ZNF407: variants seen among roughly 807,000 people sequenced by gnomAD.
The protein encoded by ZNF407 is zinc finger protein 407.
ZNF407 carries 17 observed loss-of-function variants against 131.2 expected under a neutral mutation model. The ratio of observed to expected loss-of-function variants is 0.13; its 90% CI spans 0.09 to 0.19. The LOEUF (loss-of-function observed/expected upper bound fraction) is 0.19, where lower values mean the gene tolerates loss of function less well. Among genes scored for constraint, ZNF407 ranks in the 10% least tolerant of loss-of-function variants. The pLI, the probability that ZNF407 is intolerant of heterozygous loss-of-function variation, is 1.00. For synonymous variants in ZNF407, 1,156 were observed against 1,062.0 expected (o/e 1.09, Z -1.72); for missense variants, 2,681 against 2,830.6 (o/e 0.95, Z 1.20).
intron 3 of ZNF407, among the ~76,000 whole-genome samples, chr18:74,751,317 A>G (rs1431208299): frequency 1.1e-4 from 16 of 152,026 alleles, no homozygotes; most frequent in Non-Finnish European, 1.3e-4. Context: ...TTCTTTTCTA[A>G]TGTGGCTACG....
At chr18:74,759,948 G>GTC (rs10662564) in intron 3 of ZNF407, among the ~76,000 whole-genome samples, 24,008 of 142,762 alleles carry the variant, frequency 0.17, 3,563 homozygotes, top group African/African-American at 0.41. Flanking sequence ...TACTTTACAT[G>GTC]TCTCTCTCTC....
chr18:74,894,629 C>G (rs1259348177), intron 7 of ZNF407, among the ~76,000 whole-genome samples: 1 of 152,038 alleles, frequency 6.6e-6, no homozygotes. Flanking sequence ...TTATTTCTTC[C>G]ATTTCTTCTC....
At chr18:74,842,468 G>T (rs1356611879) in intron 4 of ZNF407, among the ~76,000 whole-genome samples, 1 of 152,004 alleles carries the variant, frequency 6.6e-6, no homozygotes, top group Non-Finnish European at 1.5e-5. Context: ...ACACTTAATG[G>T]AGTAACAATA....
At position 74,738,521 on chromosome 18, in the gene ZNF407, C is replaced by T. The variant is rs930775427; in HGVS notation, c.4803-42907C>T. On this transcript the variant is annotated intron_variant, in intron 3 of 8. Transcript: ENST00000299687. ...TTGGAAGGCCAAGGCGGGTGGATCA[C>T]GAGGTCAGGAGTTTGAGACCAATCT... 2.7e-4 allele frequency among the ~76,000 whole-genome samples: 39 copies of T among 144,180 alleles called. 1 individual carries two copies. The highest frequency in any genetic ancestry group is 9.5e-4 in the African/African-American group (33 of 34,628). 94.6% of individuals were successfully genotyped at this position (144,180 alleles called of 152,430 possible). A position where few individuals can be genotyped will look rare whatever the true frequency, so the allele number is the denominator to read the frequency against.
At position 74,625,706 on chromosome 18, in the gene ZNF407, C is replaced by A. The variant is rs538078010; in HGVS notation, c.-53-5261C>A. Reference sequence around the variant, plus strand: ...CATTATCACATAACTTCACCATGCCCCTCTCCTGGACTATTTTAAAGTGTA... The same window carrying A: ...CATTATCACATAACTTCACCATGCCACTCTCCTGGACTATTTTAAAGTGTA... On this transcript the variant is annotated intron_variant, in intron 1 of 8. Coordinates refer to ENST00000299687, the MANE Select transcript of ZNF407 (RefSeq NM_017757.3). 3.9e-5 allele frequency among the ~76,000 whole-genome samples: 6 copies of A among 152,252 alleles called. No homozygotes were observed. The South Asian group carries it at 1.2e-3, about 32-fold the overall frequency.
chr18:75,006,375 A>T (rs1395634357), intron 8 of ZNF407, among the ~76,000 whole-genome samples: 1 of 151,928 alleles, frequency 6.6e-6, no homozygotes, highest in South Asian at 2.1e-4. Flanking sequence ...TAATCAGTTA[A>T]TTTCTTTTCT....
At chr18:74,854,681 T>A (rs1970833992) in intron 4 of ZNF407, among the ~76,000 whole-genome samples, 1 of 152,050 alleles carries the variant, frequency 6.6e-6, no homozygotes, top group Non-Finnish European at 1.5e-5. Context: ...ATTTCATACA[T>A]ACAACAATAT....
At chr18:74,984,587 C>T (rs1972630947) in intron 8 of ZNF407, among the ~76,000 whole-genome samples, 1 of 152,112 alleles carries the variant, frequency 6.6e-6, no homozygotes, top group African/African-American at 2.4e-5. Flanking sequence ...GTGTTACCTG[C>T]TCAACATCCA....
intron 3 of ZNF407, among the ~76,000 whole-genome samples, chr18:74,721,379 G>A (rs993633023): frequency 1.9e-4 from 29 of 151,038 alleles, no homozygotes; most frequent in African/African-American, 7.0e-4. Context: ...AATAGTAGTG[G>A]AAGTCCTAGG....
At chr18:74,664,658 GTGATTGCT>G (rs1332084379) in intron 3 of ZNF407, among the ~76,000 whole-genome samples, 1 of 152,110 alleles carries the variant, frequency 6.6e-6, no homozygotes, top group Non-Finnish European at 1.5e-5. Flanking sequence ...CCTGGTATTG[GTGATTGCT>G]TTTTCCCCTT....
At chr18:74,708,470 C>A (rs1221627632) in intron 3 of ZNF407, among the ~76,000 whole-genome samples, 1 of 152,218 alleles carries the variant, frequency 6.6e-6, no homozygotes, top group Non-Finnish European at 1.5e-5. Flanking sequence ...TTCATTCTGA[C>A]TTCTGCTCAG....
intron 8 of ZNF407, among the ~76,000 whole-genome samples, chr18:75,054,459 T>C (rs1450084812): frequency 6.6e-6 from 1 of 152,188 alleles, no homozygotes; most frequent in African/African-American, 2.4e-5. Context: ...CAAAAGTGAA[T>C]GTGGGTTTTT....
intron 3 of ZNF407, among the ~76,000 whole-genome samples, chr18:74,723,893 T>C (rs554340572): frequency 6.2e-5 from 9 of 145,978 alleles, no homozygotes; most frequent in Non-Finnish European, 1.2e-4. Flanking sequence ...CATACAGTTA[T>C]TTAAAAAAAA....
At chr18:74,961,877 G>A (rs1048247223) in intron 8 of ZNF407, among the ~76,000 whole-genome samples, 1 of 151,998 alleles carries the variant, frequency 6.6e-6, no homozygotes, top group African/African-American at 2.4e-5. Context: ...TAGTGCTTCG[G>A]ATCAGACCCT....
In ZNF407 at chr18:74,997,147, G is replaced by A. The variant is rs114039239; in HGVS notation, c.5429-66003G>A. On this transcript the variant is annotated intron_variant, in intron 8 of 8. Transcript: ENST00000299687. ...AGGTCACCTGAATCCAGCTGTTCCC[G>A]ACCAGCTTTATGAAACAGAGAATGC... is the stretch of plus-strand genomic sequence containing the variant. 2.5e-3 allele frequency among the ~76,000 whole-genome samples: 380 copies of A among 152,300 alleles called. 3 individuals carry two copies. Among genetic ancestry groups the A allele is most frequent in the African/African-American group, 8.6e-3 (358 of 41,566 alleles).
intron 1 of ZNF407, among the ~76,000 whole-genome samples, chr18:74,622,785 ATTGTGTCTGTGTCTGAAT>A (rs1388257263): frequency 6.6e-6 from 1 of 151,136 alleles, no homozygotes; most frequent in African/African-American, 2.4e-5. Flanking sequence ...TGCGCGTGTC[ATTGTGTCTGTGTCTGAAT>A]TTGTGAATAT....
intron 1 of ZNF407, among the ~76,000 whole-genome samples, chr18:74,615,366 G>T (rs1568314663): frequency 6.6e-6 from 1 of 152,186 alleles, no homozygotes. Context: ...TTAGCTGCTT[G>T]TGGTGGCGCA....
chr18:74,962,968 G>A (rs886194495), intron 8 of ZNF407, among the ~76,000 whole-genome samples: 2 of 152,332 alleles, frequency 1.3e-5, no homozygotes, highest in South Asian at 4.1e-4. Flanking sequence ...TATCATTCTT[G>A]TATACAAAGA....
intron 8 of ZNF407, among the ~76,000 whole-genome samples, chr18:74,965,755 G>T (rs1048215644): frequency 6.6e-6 from 1 of 152,102 alleles, no homozygotes; most frequent in Non-Finnish European, 1.5e-5. Flanking sequence ...CTCTGTAGTG[G>T]TTATACTTAT....
Sources: allele counts gnomAD v4.1 joint callset (sites outside exome capture counted in the v4.1 genomes callset), GRCh38; gene constraint gnomAD v4.1.1; transcripts MANE v1.5; gene names NCBI Gene and HGNC (gene_info 2026-07-23, HGNC 2026-07-21).